EHMT1: variants seen among roughly 807,000 people sequenced by gnomAD.
EHMT1 encodes histone-lysine N-methyltransferase EHMT1.
In EHMT1, 15 loss-of-function variants were observed where a neutral mutation model predicts 147.2. The ratio of observed to expected loss-of-function variants is 0.10; its 90% CI spans 0.07 to 0.16. The LOEUF (loss-of-function observed/expected upper bound fraction) is 0.16, where lower values mean the gene tolerates loss of function less well. Among genes scored for constraint, EHMT1 ranks in the 10% least tolerant of loss-of-function variants. EHMT1 has a pLI of 1.00. For missense variants in EHMT1, 1,587 were observed against 1,772.4 expected (o/e 0.90, Z 1.88); for synonymous variants, 795 against 709.6 (o/e 1.12, Z -1.91).
chr9:137,738,686 A>G (rs556827039), intron 4 of EHMT1: 1 of 152,312 alleles, frequency 6.6e-6, no homozygotes, highest in African/African-American at 2.4e-5. Flanking sequence ...TGTCGTGTGC[A>G]AAACGCAGTG....
chr9:137,770,381 A>T (rs2136526656), intron 10 of EHMT1, among the ~76,000 whole-genome samples: 1 of 152,346 alleles, frequency 6.6e-6, no homozygotes, highest in South Asian at 2.1e-4. Context: ...TTTTACGCTG[A>T]CGTTCTTGAA....
intron 1 of EHMT1, among the ~76,000 whole-genome samples, chr9:137,624,424 T>G (rs1843127798): frequency 6.6e-6 from 1 of 151,556 alleles, no homozygotes; most frequent in Non-Finnish European, 1.5e-5. Context: ...CAGGCAATTC[T>G]CCTGCCTCAG....
intron 1 of EHMT1, among the ~76,000 whole-genome samples, chr9:137,675,952 T>G (rs1941255337): frequency 1.3e-5 from 2 of 150,598 alleles, no homozygotes; most frequent in Admixed American, 1.3e-4. Context: ...CCCGGCTAAT[T>G]TTTTGTATTT....
At chr9:137,694,071 G>A (rs1266016750) in intron 1 of EHMT1, among the ~76,000 whole-genome samples, 5 of 68,392 alleles carry the variant, frequency 7.3e-5, no homozygotes, top group African/African-American at 1.2e-4. Flanking sequence ...GGCTCAGGAC[G>A]CTGGCCGATA....
intron 2 of EHMT1, among the ~76,000 whole-genome samples, chr9:137,714,524 T>TG (rs1353771626): frequency 6.6e-6 from 1 of 151,376 alleles, no homozygotes; most frequent in African/African-American, 2.4e-5. Context: ...GTTTTGTTGT[T>TG]GGGGGGTGCG....
intron 2 of EHMT1, among the ~76,000 whole-genome samples, chr9:137,714,847 C>CT (rs1332001208): frequency 5.9e-5 from 9 of 152,154 alleles, no homozygotes; most frequent in Non-Finnish European, 1.2e-4. Flanking sequence ...CCACACCCAG[C>CT]TTATAGATTC....
intron 4 of EHMT1, among the ~76,000 whole-genome samples, chr9:137,735,044 C>T (rs1947414891): frequency 6.6e-6 from 1 of 152,212 alleles, no homozygotes; most frequent in South Asian, 2.1e-4. Flanking sequence ...AGTATTGTAA[C>T]AGTGGTTTGT....
intron 1 of EHMT1, among the ~76,000 whole-genome samples, chr9:137,698,352 C>T (rs1052723586): frequency 2.6e-5 from 4 of 152,226 alleles, no homozygotes; most frequent in African/African-American, 9.7e-5. Context: ...ATCTTCACCT[C>T]ATGGTGGTAT....
chr9:137,780,505 TGTG>T (rs1258734643), intron 14 of EHMT1, among the ~76,000 whole-genome samples: 6 of 117,924 alleles, frequency 5.1e-5, no homozygotes, highest in Admixed American at 3.5e-4. Context: ...CGCTGAGACG[TGTG>T]GTGATGACGC....
intron 10 of EHMT1, among the ~76,000 whole-genome samples, chr9:137,766,998 TA>T (rs577280318): frequency 1.1e-3 from 169 of 152,262 alleles, no homozygotes; most frequent in African/African-American, 3.8e-3. Flanking sequence ...TTAATATTTT[TA>T]TTTTGTAGAG....
intron 1 of EHMT1, chr9:137,676,484 G>C (rs1281344086): frequency 6.6e-6 from 1 of 152,520 alleles, no homozygotes; most frequent in Non-Finnish European, 1.5e-5. Context: ...TCCTGCCTCA[G>C]CCTCTGAAGT....
At chr9:137,703,245 T>C (rs1564609299) in intron 1 of EHMT1, among the ~76,000 whole-genome samples, 1 of 152,238 alleles carries the variant, frequency 6.6e-6, no homozygotes, top group Non-Finnish European at 1.5e-5. Flanking sequence ...CAAAGGTCTC[T>C]GAGGCATTTT....
At chr9:137,726,005 T>C (rs1329278802) in intron 3 of EHMT1, among the ~76,000 whole-genome samples, 1 of 152,190 alleles carries the variant, frequency 6.6e-6, no homozygotes, top group Non-Finnish European at 1.5e-5. Flanking sequence ...ACCCATGTCA[T>C]GGACCCACCG....
At position 137,795,401 on chromosome 9, in the gene EHMT1, G is replaced by GCACACACACACACACACACACACACA. The variant is rs554055210; in HGVS notation, c.2506-3410_2506-3385dup. On this transcript the variant is annotated intron_variant, in intron 16 of 26. Transcript: ENST00000460843. ...CCAGGACACCATCCTATCGCAGGGTGCACACACACACACACACACACACAC... is the reference window on the plus strand; with the variant it reads ...CCAGGACACCATCCTATCGCAGGGTGCACACACACACACACACACACACACACACACACACACACACACACACACAC... 2.8e-4 allele frequency among the ~76,000 whole-genome samples: 36 copies of GCACACACACACACACACACACACACA among 130,278 alleles called. 1 individual carries two copies. Among genetic ancestry groups the GCACACACACACACACACACACACACA allele is most frequent in the East Asian group, 9.1e-4 (4 of 4,374 alleles). 85.5% of individuals were successfully genotyped at this position (130,278 alleles called of 152,430 possible).
At chr9:137,807,361 C>CTAGG (rs1954033472) in intron 18 of EHMT1, among the ~76,000 whole-genome samples, 1 of 152,172 alleles carries the variant, frequency 6.6e-6, no homozygotes, top group Non-Finnish European at 1.5e-5. Context: ...TGCTTACATT[C>CTAGG]TAGGCATTGT....
intron 1 of EHMT1, among the ~76,000 whole-genome samples, chr9:137,644,662 A>G (rs984441765): frequency 6.6e-6 from 1 of 152,024 alleles, no homozygotes; most frequent in Non-Finnish European, 1.5e-5. Flanking sequence ...TTATGTATCT[A>G]AAAGTCTAAA....
chr9:137,619,028 C>T lies in EHMT1; in HGVS notation c.-1C>T. The T allele has an allele frequency of 1.0e-6, 1 of 971,376 alleles. No homozygotes were observed. The highest frequency in any genetic ancestry group is 1.2e-6 in the Non-Finnish European group (1 of 818,924). 60.2% of individuals were successfully genotyped at this position (971,376 alleles called of 1,614,324 possible). A position where few individuals can be genotyped will look rare whatever the true frequency, so the allele number is the denominator to read the frequency against. ...GCGGGGCCACGCTGCGGGCCCGGGCCATGGCCGCCGCCGATGCCGAGGTGA... is the reference window on the plus strand; with the variant it reads ...GCGGGGCCACGCTGCGGGCCCGGGCTATGGCCGCCGCCGATGCCGAGGTGA... On this transcript the variant is annotated 5_prime_UTR_variant, in exon 1 of 27. Transcript: ENST00000460843.
chr9:137,627,854 T>G (rs1422616475), intron 1 of EHMT1, among the ~76,000 whole-genome samples: 1 of 151,970 alleles, frequency 6.6e-6, no homozygotes, highest in African/African-American at 2.4e-5. Flanking sequence ...GGATTATAGT[T>G]GTGCACCACC....
chr9:137,804,102 T>G (rs553816459), intron 18 of EHMT1, among the ~76,000 whole-genome samples: 13 of 152,296 alleles, frequency 8.5e-5, no homozygotes, highest in Admixed American at 3.3e-4. Flanking sequence ...TACCACACTT[T>G]AAAACCAGCT....
Sources: gnomAD v4.1 joint callset for allele counts (sites outside exome capture counted in the v4.1 genomes callset) on GRCh38, gnomAD v4.1.1 for gene constraint, MANE v1.5 for transcripts, NCBI Gene and HGNC (gene_info 2026-07-23, HGNC 2026-07-21) for gene names.